Variants in RYR2 observed in about 807,000 individuals in gnomAD.
The protein encoded by RYR2 is ryanodine receptor 2, also known as cardiac muscle ryanodine receptor-calcium release channel.
A neutral mutation model predicts 601.1 loss-of-function variants in RYR2; 227 were observed. The observed-to-expected ratio is 0.38, with a 90% CI of 0.34 to 0.42. The LOEUF (loss-of-function observed/expected upper bound fraction) is 0.42. Among genes scored for constraint, RYR2 ranks in the 10% least tolerant of loss-of-function variants. The probability of loss-of-function intolerance (pLI) is 1.00; values close to 1 mark genes in which losing one functional copy is unlikely to be tolerated. For synonymous variants in RYR2, 2,223 were observed against 2,175.1 expected (o/e 1.02, Z -0.61); for missense variants, 4,646 against 6,156.5 (o/e 0.75, Z 8.21).
rs1039795432 is a variant in RYR2, at chr1:237,215,330, G to A, written c.49-55167G>A. On this transcript the variant is annotated intron_variant, in intron 1 of 104. Coordinates refer to ENST00000366574, the MANE Select transcript of RYR2 (RefSeq NM_001035.3). ...TATGTGGCAACGCTCCAGGCATATAGGAAAAAAACACTATATACAGGGTTC... is the reference window on the plus strand; with the variant it reads ...TATGTGGCAACGCTCCAGGCATATAAGAAAAAAACACTATATACAGGGTTC... Among the ~76,000 whole-genome samples the A allele has an allele frequency of 3.3e-5, 5 of 151,982 alleles. No individual in the cohort carries two copies. In the South Asian group the frequency reaches 1.0e-3, roughly 32 times the overall value.
In RYR2 at chr1:237,181,227, G is replaced by A. The variant is rs1221278386; in HGVS notation, c.49-89270G>A. ...TTGAACTCCTGACCTCAAGTGATCCGCCCTCCTCGGCTTCCCAAAGTGCTG... is the reference window on the plus strand; with the variant it reads ...TTGAACTCCTGACCTCAAGTGATCCACCCTCCTCGGCTTCCCAAAGTGCTG... On this transcript the variant is annotated intron_variant, in intron 1 of 104. Coordinates refer to ENST00000366574, the MANE Select transcript of RYR2 (RefSeq NM_001035.3). Among the ~76,000 whole-genome samples, 7 of 151,908 alleles carry A rather than the reference G, an allele frequency of 4.6e-5. No individual in the cohort carries two copies. In the East Asian group the frequency reaches 7.8e-4, roughly 17 times the overall value.
At chr1:237,423,301 C>T (rs1465612199) in intron 12 of RYR2, 53 bp downstream of exon 12, 1 of 1,558,620 alleles carries the variant, frequency 6.4e-7, no homozygotes, top group South Asian at 1.2e-5. Flanking sequence ...GTCATATTTC[C>T]TTTGATGTTA....
At chr1:237,624,312 A>C (rs1253678599) in intron 39 of RYR2, among the ~76,000 whole-genome samples, 1 of 152,178 alleles carries the variant, frequency 6.6e-6, no homozygotes, top group South Asian at 2.1e-4. Flanking sequence ...AATTCTGTTA[A>C]GAGGGTAGAT....
At chr1:237,830,305 C>T (rs762230437) in intron 102 of RYR2, 13 of 431,774 alleles carry the variant, frequency 3.0e-5, no homozygotes, top group South Asian at 1.1e-4. Context: ...TCCCTGTCTG[C>T]GTCTGCTACT....
At chr1:237,563,079 C>T (rs900117847) in intron 27 of RYR2, among the ~76,000 whole-genome samples, 2 of 152,084 alleles carry the variant, frequency 1.3e-5, no homozygotes, top group African/African-American at 2.4e-5. Flanking sequence ...TTCTTTAAAA[C>T]GTAGTTGCAA....
chr1:237,180,240 G>C lies in RYR2; in HGVS notation c.49-90257G>C, dbSNP rs1678546772. Among the ~76,000 whole-genome samples the C allele has an allele frequency of 6.6e-6, 1 of 151,014 alleles. No individual in the cohort carries two copies. Among genetic ancestry groups the C allele is most frequent in the Non-Finnish European group, 1.5e-5 (1 of 68,002 alleles). ...GGGGCTGGCTAGAGGACAGACAGGG[G>C]TGAGCACAGCTCAGGTGAGGAATGA... On this transcript the variant is annotated intron_variant, in intron 1 of 104. Coordinates refer to ENST00000366574, the MANE Select transcript of RYR2 (RefSeq NM_001035.3). The surrounding 1 kb of genome is among the most constrained non-coding windows in gnomAD (Gnocchi z 5.3).
intron 14 of RYR2, among the ~76,000 whole-genome samples, chr1:237,448,119 G>C (rs1187983915): frequency 2.6e-5 from 4 of 151,924 alleles, no homozygotes; most frequent in Non-Finnish European, 5.9e-5. Flanking sequence ...TAGAGACGTG[G>C]TTTCACCATG....
At chr1:237,687,363 CTTCTTTTTTTT>C in intron 62 of RYR2, 81 bp from the exon 63 acceptor site, 1 of 452,442 alleles carries the variant, frequency 2.2e-6, no homozygotes, top group Non-Finnish European at 3.5e-6. Context: ...CTTTTTTCTT[CTTCTTTTTTTT>C]TTTTTTTTTT....
chr1:237,055,304 G>A (rs1422738133), intron 1 of RYR2, among the ~76,000 whole-genome samples: 1 of 152,154 alleles, frequency 6.6e-6, no homozygotes, highest in Non-Finnish European at 1.5e-5. Flanking sequence ...GGCCCTGGAA[G>A]TTATTCTTTT....
At chr1:237,192,464 C>T (rs1399059421) in intron 1 of RYR2, among the ~76,000 whole-genome samples, 1 of 152,228 alleles carries the variant, frequency 6.6e-6, no homozygotes, top group African/African-American at 2.4e-5. Flanking sequence ...ATCCACCGGC[C>T]TCGGCCTCCC....
At chr1:237,056,922 C>T (rs183781168) in intron 1 of RYR2, among the ~76,000 whole-genome samples, 353 of 152,306 alleles carry the variant, frequency 2.3e-3, no homozygotes, top group African/African-American at 7.7e-3. Context: ...GACCCCATCT[C>T]GGACTCTGGG....
chr1:237,534,115 G>T (rs1333880410), intron 25 of RYR2, among the ~76,000 whole-genome samples: 1 of 151,938 alleles, frequency 6.6e-6, no homozygotes, highest in African/African-American at 2.4e-5. Flanking sequence ...ACATAGAAAA[G>T]TTGAAAATAG....
chr1:237,516,307 T>G (rs559243985), intron 24 of RYR2, among the ~76,000 whole-genome samples: 11 of 152,018 alleles, frequency 7.2e-5, no homozygotes, highest in African/African-American at 2.4e-4. Flanking sequence ...TTTGTAGAGA[T>G]GGGGTTTCGC....
intron 1 of RYR2, among the ~76,000 whole-genome samples, chr1:237,237,589 ACT>A (rs994494841): frequency 1.3e-5 from 2 of 152,152 alleles, no homozygotes; most frequent in African/African-American, 4.8e-5. Flanking sequence ...TTCAGACCTG[ACT>A]CTAGTATAGC....
At chr1:237,308,273 G>C (rs1694097763) in intron 2 of RYR2, among the ~76,000 whole-genome samples, 1 of 152,122 alleles carries the variant, frequency 6.6e-6, no homozygotes, top group African/African-American at 2.4e-5. Context: ...CAAACCATTG[G>C]AGCAGAACAC....
Position 237,569,182 on chromosome 1 carries a change from G to T in RYR2, c.3461G>T (p.Arg1154Leu), listed in dbSNP as rs530867686. Residue 1154 changes from arginine (R) to leucine (L), a missense_variant, in exon 29 of 105, where the codon CGC (arginine) becomes CTC (leucine). Physicochemically the swap from Arg to Leu is moderately radical, Grantham distance 102. This residue lies in a region of RYR2 where 1,807 missense variants were observed against 2,088.1 expected (regional missense o/e 0.87). Transcript: ENST00000366574. ...CATCAGGGCAATGAACACTATGGGC[G>T]CTCTTGGCAAGCAGGCGATGTCGTG... is the stretch of plus-strand genomic sequence containing the variant. The part of the protein sequence containing the change: ...RWHQGNEHYG[R>L]SWQAGDVVGC... The T allele has an allele frequency of 6.2e-7, 1 of 1,613,712 alleles. No individual in the cohort carries two copies. The highest frequency in any genetic ancestry group is 8.5e-7 in the Non-Finnish European group (1 of 1,179,866).
At chr1:237,266,150 CAT>C (rs1171083458) in intron 1 of RYR2, among the ~76,000 whole-genome samples, 3 of 152,184 alleles carry the variant, frequency 2.0e-5, no homozygotes, top group African/African-American at 7.2e-5. Context: ...AAAAGCAAGA[CAT>C]ATGAATTACA....
At chr1:237,750,684 C>T (rs533391634) in intron 80 of RYR2, among the ~76,000 whole-genome samples, 147 of 151,820 alleles carry the variant, frequency 9.7e-4, no homozygotes, top group Non-Finnish European at 1.3e-3. Flanking sequence ...GCATTTTTTT[C>T]CCCTGAGGAT....
chr1:237,506,492 C>G (rs547389695), intron 22 of RYR2, among the ~76,000 whole-genome samples: 2 of 150,924 alleles, frequency 1.3e-5, no homozygotes, highest in Non-Finnish European at 2.9e-5. Flanking sequence ...GAGCAGAGAT[C>G]GCGCCACTGC....
Sources: gnomAD v4.1 joint callset for allele counts (sites outside exome capture counted in the v4.1 genomes callset) on GRCh38, gnomAD v4.1.1 for gene constraint, gnomAD v4.1.1 regional missense constraint, Gnocchi (gnomAD v3.1) non-coding constraint, MANE v1.5 for transcripts, NCBI Gene and HGNC (gene_info 2026-07-23, HGNC 2026-07-21) for gene names.